ATP9A: variants seen among roughly 807,000 people sequenced by gnomAD.
The protein encoded by ATP9A is probable phospholipid-transporting ATPase IIA.
Under a neutral mutation model 144.1 loss-of-function variants are expected in ATP9A, and 52 were observed. That is an observed-to-expected ratio of 0.36 (90% CI 0.29 to 0.45). ATP9A has a LOEUF of 0.45. Among genes scored for constraint, ATP9A ranks in the 20% least tolerant of loss-of-function variants. The probability of loss-of-function intolerance (pLI) is 1.00; values close to 1 mark genes in which losing one functional copy is unlikely to be tolerated. For synonymous variants in ATP9A, 582 were observed against 557.4 expected, an observed-to-expected ratio of 1.04 and a Z score of -0.62; for missense variants, 947 against 1,392.7, an observed-to-expected ratio of 0.68 and a Z score of 5.09.
intron 17 of ATP9A, among the ~76,000 whole-genome samples, chr20:51,626,506 A>T (rs549302596): frequency 1.6e-4 from 25 of 151,622 alleles, no homozygotes; most frequent in African/African-American, 6.0e-4. Context: ...AAAAAAAAAA[A>T]AAGAAAAGAA....
At chr20:51,603,556 T>C (rs2077151397) in intron 27 of ATP9A, among the ~76,000 whole-genome samples, 1 of 152,110 alleles carries the variant, frequency 6.6e-6, no homozygotes, top group African/African-American at 2.4e-5. Flanking sequence ...GACTTGTGGC[T>C]CAATCAATTG....
At chr20:51,716,147 G>A (rs1308882200) in intron 3 of ATP9A, among the ~76,000 whole-genome samples, 3 of 152,058 alleles carry the variant, frequency 2.0e-5, no homozygotes, top group Admixed American at 6.6e-5. Context: ...TCAATGAACT[G>A]AAAACTGAAG....
chr20:51,653,911 C>A (rs912343872), intron 14 of ATP9A, among the ~76,000 whole-genome samples: 1 of 152,096 alleles, frequency 6.6e-6, no homozygotes, highest in Non-Finnish European at 1.5e-5. Context: ...TTACTGGTTC[C>A]AAGTCCATAG....
chr20:51,693,968 T>C (rs1177394772), intron 7 of ATP9A, 40 bp downstream of exon 7: 2 of 1,564,914 alleles, frequency 1.3e-6, no homozygotes, highest in South Asian at 1.1e-5. Context: ...CCTGCTAAGA[T>C]AGGTTGCCCG....
At chr20:51,682,414 G>A (rs2077503662) in intron 9 of ATP9A, among the ~76,000 whole-genome samples, 1 of 151,862 alleles carries the variant, frequency 6.6e-6, no homozygotes. Flanking sequence ...CACATGACAG[G>A]TAGTCATGAA....
intron 15 of ATP9A, among the ~76,000 whole-genome samples, chr20:51,630,041 G>A (rs2077264256): frequency 6.6e-6 from 1 of 152,214 alleles, no homozygotes; most frequent in African/African-American, 2.4e-5. Context: ...GGCAATGTCT[G>A]GAGACACTCT....
intron 1 of ATP9A, among the ~76,000 whole-genome samples, chr20:51,732,879 A>G (rs2077747975): frequency 6.6e-6 from 1 of 152,020 alleles, no homozygotes; most frequent in Non-Finnish European, 1.5e-5. Flanking sequence ...TTTGACAGAA[A>G]GCGCATCACC....
intron 4 of ATP9A, among the ~76,000 whole-genome samples, chr20:51,709,132 T>G (rs1283485499): frequency 3.3e-5 from 5 of 152,194 alleles, no homozygotes; most frequent in African/African-American, 1.2e-4. Flanking sequence ...CTTAAGTATT[T>G]AGGCACAAAA....
chr20:51,759,393 C>T (rs151101685), intron 1 of ATP9A, among the ~76,000 whole-genome samples: 49 of 152,340 alleles, frequency 3.2e-4, no homozygotes, highest in African/African-American at 1.2e-3. Flanking sequence ...ACACACACGG[C>T]CGGGTGCGGT....
Position 51,610,162 on chromosome 20 carries a change from C to G in ATP9A, c.2575G>C (p.Val859Leu), listed in dbSNP as rs754220213. 6.2e-7 allele frequency: 1 copy of G among 1,608,012 alleles called. No homozygotes were observed. The highest frequency in any genetic ancestry group is 8.5e-7 in the Non-Finnish European group (1 of 1,174,506). Residue 859 changes from valine to leucine, a missense_variant, in exon 24 of 28, where the codon GTC becomes CTC. Coordinates refer to ENST00000338821, the MANE Select transcript of ATP9A (RefSeq NM_006045.3). ...RSLCISTMQA[V>L]FSSVFYFASV... ...GCAAAGTAAAACACGGAGGAAAAGA[C>G]AGCCTGTGCCAAGGAGAGAGGAGGA...
intron 4 of ATP9A, among the ~76,000 whole-genome samples, chr20:51,702,359 T>C (rs1365707114): frequency 7.8e-6 from 1 of 128,056 alleles, no homozygotes; most frequent in Non-Finnish European, 1.6e-5. Context: ...TCATGGTGTG[T>C]GTGTTCGTGT....
intron 3 of ATP9A, among the ~76,000 whole-genome samples, chr20:51,715,846 G>C (rs2077659631): frequency 6.6e-6 from 1 of 152,186 alleles, no homozygotes; most frequent in Non-Finnish European, 1.5e-5. Flanking sequence ...CAGGGGAAGG[G>C]GGGCTGTTGA....
intron 12 of ATP9A, among the ~76,000 whole-genome samples, chr20:51,670,878 A>C (rs1027691457): frequency 6.6e-6 from 1 of 152,134 alleles, no homozygotes; most frequent in Non-Finnish European, 1.5e-5. Flanking sequence ...CTAACTCACA[A>C]GGTTCAGGTG....
chr20:51,661,086 C>T (rs755607349), intron 13 of ATP9A, among the ~76,000 whole-genome samples: 22 of 152,142 alleles, frequency 1.4e-4, no homozygotes, highest in South Asian at 4.2e-4. Flanking sequence ...GCGGGTGTCT[C>T]GAATCCTATA....
At chr20:51,637,113 G>A (rs2077295507) in intron 15 of ATP9A, among the ~76,000 whole-genome samples, 1 of 151,784 alleles carries the variant, frequency 6.6e-6, no homozygotes, top group Non-Finnish European at 1.5e-5. Flanking sequence ...AATGTTACTT[G>A]TCATTCCTGT....
In ATP9A at chr20:51,630,563, G is replaced by A. The variant is rs780629411; in HGVS notation, c.1669-1491C>T. Among the ~76,000 whole-genome samples the A allele has an allele frequency of 9.9e-5, 15 of 152,180 alleles. 1 individual carries two copies. Among genetic ancestry groups the A allele is most frequent in the Non-Finnish European group, 1.2e-4 (8 of 68,008 alleles). ...ACTAAAATTACAAAATTAGCTGGGC[G>A]TGGTGGTGCATGCCTGTAATCCCAG... On this transcript the variant is annotated intron_variant, in intron 15 of 27. Coordinates refer to ENST00000338821, the MANE Select transcript of ATP9A (RefSeq NM_006045.3).
chr20:51,643,666 A>G (rs1030807910), intron 14 of ATP9A, among the ~76,000 whole-genome samples: 2 of 152,178 alleles, frequency 1.3e-5, no homozygotes, highest in Non-Finnish European at 2.9e-5. Flanking sequence ...CAGAACTAGG[A>G]GAAATAACTT....
intron 10 of ATP9A, among the ~76,000 whole-genome samples, chr20:51,675,623 T>C (rs2077473694): frequency 6.6e-6 from 1 of 152,232 alleles, no homozygotes; most frequent in South Asian, 2.1e-4. Flanking sequence ...CTCACGCCTG[T>C]AATCCCAGCA....
At chr20:51,676,253 T>G (rs1459019290) in intron 9 of ATP9A, 45 bp from the exon 10 acceptor site, 11 of 1,443,310 alleles carry the variant, frequency 7.6e-6, no homozygotes, top group Non-Finnish European at 7.6e-6. Context: ...GAAATATTAA[T>G]ACAGACAGGC....
Sources: gnomAD v4.1 joint callset for allele counts (sites outside exome capture counted in the v4.1 genomes callset) on GRCh38, gnomAD v4.1.1 for gene constraint, MANE v1.5 for transcripts, NCBI Gene and HGNC (gene_info 2026-07-23, HGNC 2026-07-21) for gene names.